Variants in FNIP1 observed in about 807,000 individuals in gnomAD.
FNIP1 encodes folliculin interacting protein 1, also known as folliculin-interacting protein 1.
FNIP1 carries 40 observed loss-of-function variants against 124.5 expected under a neutral mutation model. The ratio of observed to expected loss-of-function variants is 0.32; its 90% CI spans 0.25 to 0.42. FNIP1 has a LOEUF of 0.42. FNIP1 is among the 10% of genes least tolerant of loss of function. FNIP1 has a pLI of 1.00. For missense variants in FNIP1, 1,176 were observed against 1,403.7 expected (o/e 0.84, Z 2.59); for synonymous variants, 472 against 470.6 (o/e 1.00, Z -0.04).
chr5:131,664,956 A>C (rs1767551204), intron 15 of FNIP1, among the ~76,000 whole-genome samples: 1 of 149,756 alleles, frequency 6.7e-6, no homozygotes. Context: ...ATATAAAATG[A>C]TATGCTTGTG....
rs76684584 is a variant in FNIP1, at chr5:131,746,994, A to G, written c.93-2304T>C. Among the ~76,000 whole-genome samples, 967 of 152,158 alleles carry G rather than the reference A, an allele frequency of 6.4e-3. 7 individuals carry two copies. Among genetic ancestry groups the G allele is most frequent in the African/African-American group, 0.022 (904 of 41,484 alleles). On this transcript the variant is annotated intron_variant, in intron 1 of 17. Coordinates refer to ENST00000510461, the MANE Select transcript of FNIP1 (RefSeq NM_133372.3). ...TCTGATTGATGTGAGATGGTATCTC[A>G]TTGTAGTTTTGATTTGTCTTTCTCT...
intron 7 of FNIP1, 69 bp downstream of exon 7, chr5:131,710,509 C>T (rs1769249489): frequency 6.9e-7 from 1 of 1,445,876 alleles, no homozygotes; most frequent in African/African-American, 1.4e-5. Context: ...CTCTTGTTTC[C>T]ACAGCTTAAC....
At chr5:131,654,763 G>GT (rs1420332667) in intron 15 of FNIP1, among the ~76,000 whole-genome samples, 1 of 152,144 alleles carries the variant, frequency 6.6e-6, no homozygotes, top group Non-Finnish European at 1.5e-5. Context: ...GGATAATTCG[G>GT]TAAGAGTAAG....
intron 17 of FNIP1, among the ~76,000 whole-genome samples, chr5:131,646,790 G>C (rs1453089379): frequency 6.6e-6 from 1 of 152,298 alleles, no homozygotes; most frequent in East Asian, 1.9e-4. Flanking sequence ...GGAATAATGA[G>C]TTTGCAACAT....
chr5:131,698,438 T>C (rs1336316508), intron 11 of FNIP1, among the ~76,000 whole-genome samples: 1 of 152,198 alleles, frequency 6.6e-6, no homozygotes, highest in East Asian at 1.9e-4. Flanking sequence ...GTACAAGCTT[T>C]GTTGAGCCAG....
chr5:131,650,660 A>G (rs1767012492), intron 16 of FNIP1, among the ~76,000 whole-genome samples: 1 of 152,206 alleles, frequency 6.6e-6, no homozygotes, highest in African/African-American at 2.4e-5. Flanking sequence ...CATGTTGAAC[A>G]GAAGTAGGGA....
intron 1 of FNIP1, among the ~76,000 whole-genome samples, chr5:131,747,813 T>C (rs571832526): frequency 1.4e-4 from 22 of 152,276 alleles, no homozygotes; most frequent in African/African-American, 5.3e-4. Context: ...GATATTCTGC[T>C]ATTTAAAAAA....
At chr5:131,749,018 A>C (rs992567107) in intron 1 of FNIP1, among the ~76,000 whole-genome samples, 3 of 152,152 alleles carry the variant, frequency 2.0e-5, no homozygotes, top group Non-Finnish European at 2.9e-5. Context: ...AGGTTAAAAA[A>C]ATTTAACTGA....
At position 131,710,559 on chromosome 5, in the gene FNIP1, C is replaced by A. The variant is rs1286073441; in HGVS notation, c.706+19G>T. On this transcript the variant is annotated intron_variant, in intron 7 of 17. Coordinates refer to ENST00000510461, the MANE Select transcript of FNIP1 (RefSeq NM_133372.3). Reference sequence around the variant, plus strand: ...GTTGGGGCACACCAACTAGTCTACCCACACAGCACATCGCAAACCTGCAAA... The same window carrying A: ...GTTGGGGCACACCAACTAGTCTACCAACACAGCACATCGCAAACCTGCAAA... 1.2e-6 allele frequency: 2 copies of A among 1,611,754 alleles called. No individual in the cohort carries two copies. Among genetic ancestry groups the A allele is most frequent in the Non-Finnish European group, 1.7e-6 (2 of 1,179,248 alleles).
At chr5:131,726,519 A>G (rs572528580) in intron 3 of FNIP1, among the ~76,000 whole-genome samples, 33 of 151,504 alleles carry the variant, frequency 2.2e-4, no homozygotes, top group African/African-American at 8.0e-4. Context: ...CTGTGGGATC[A>G]ACACGTTTCT....
chr5:131,732,760 C>T (rs1214025723), intron 2 of FNIP1, among the ~76,000 whole-genome samples: 1 of 152,094 alleles, frequency 6.6e-6, no homozygotes, highest in Non-Finnish European at 1.5e-5. Context: ...AGTCAGGTAG[C>T]ATGATGCCTC....
chr5:131,681,094 T>C (rs536936668), intron 11 of FNIP1, among the ~76,000 whole-genome samples: 2 of 152,188 alleles, frequency 1.3e-5, no homozygotes, highest in Middle Eastern at 3.4e-3. Context: ...CCCCAGAAAA[T>C]GACTACAGAT....
chr5:131,700,362 A>G (rs1010213395), intron 10 of FNIP1, among the ~76,000 whole-genome samples: 26 of 152,212 alleles, frequency 1.7e-4, no homozygotes, highest in Admixed American at 1.0e-3. Context: ...CAGGATTAGG[A>G]TATGGAGGTC....
chr5:131,717,398 T>C (rs1004196597), intron 5 of FNIP1, among the ~76,000 whole-genome samples: 2 of 152,196 alleles, frequency 1.3e-5, no homozygotes, highest in African/African-American at 4.8e-5. Flanking sequence ...TGTTGGACAT[T>C]TGGGTTGGTT....
chr5:131,647,261 C>T (rs900144748), intron 16 of FNIP1, 56 bp from the exon 17 acceptor site: 2 of 1,238,198 alleles, frequency 1.6e-6, no homozygotes, highest in Admixed American at 3.4e-5. Flanking sequence ...AACTCTCAGT[C>T]ATGGCAAACT....
At chr5:131,646,825 T>A (rs1246211987) in intron 17 of FNIP1, among the ~76,000 whole-genome samples, 4 of 152,224 alleles carry the variant, frequency 2.6e-5, no homozygotes, top group Non-Finnish European at 5.9e-5. Flanking sequence ...TATGTACTTA[T>A]GTTTCTGAGA....
At chr5:131,766,192 T>C (rs1771418292) in intron 1 of FNIP1, among the ~76,000 whole-genome samples, 1 of 151,908 alleles carries the variant, frequency 6.6e-6, no homozygotes, top group African/African-American at 2.4e-5. Flanking sequence ...GCACAAGTGA[T>C]CCTTCTGCCT....
chr5:131,779,070 G>C (rs1448561219), intron 1 of FNIP1, among the ~76,000 whole-genome samples: 1 of 137,376 alleles, frequency 7.3e-6, no homozygotes, highest in African/African-American at 2.7e-5. Context: ...TGGGTGCAGC[G>C]CACCAGCATG....
Position 131,797,000 on chromosome 5 carries a change from T to C in FNIP1, c.-79A>G. On this transcript the variant is annotated 5_prime_UTR_variant, in exon 1 of 18. It removes an upstream start codon present in the reference 5' UTR. Transcript: ENST00000510461. ...TCCTACAGCCGCCCCGCCACCCCCA[T>C]GGGCGCCTCAGTCATATGACAGAAA... The C allele has an allele frequency of 7.7e-7, 1 of 1,304,808 alleles. No homozygotes were observed. The highest frequency in any genetic ancestry group is 1.1e-6 in the Non-Finnish European group (1 of 940,564). The allele number at this position is 1,304,808 out of a possible 1,614,324, so 80.8% of individuals were successfully genotyped here.
Sources: allele counts gnomAD v4.1 joint callset (sites outside exome capture counted in the v4.1 genomes callset), GRCh38; gene constraint gnomAD v4.1.1; transcripts MANE v1.5; gene names NCBI Gene and HGNC (gene_info 2026-07-23, HGNC 2026-07-21).